The following MYO9A variants were observed in gnomAD, a reference collection of about 807,000 sequenced individuals.
MYO9A encodes the protein unconventional myosin-IXa.
Under a neutral mutation model 293.3 loss-of-function variants are expected in MYO9A, and 103 were observed. The ratio of observed to expected loss-of-function variants is 0.35; its 90% CI spans 0.30 to 0.41. The LOEUF is 0.41. Ranked by LOEUF, MYO9A falls within the 10% of genes least tolerant of loss-of-function variation. The probability of loss-of-function intolerance (pLI) is 1.00; values close to 1 mark genes in which losing one functional copy is unlikely to be tolerated. For synonymous variants in MYO9A, 1,001 were observed against 1,035.7 expected (o/e 0.97, Z 0.64); for missense variants, 2,685 against 3,033.0 (o/e 0.89, Z 2.69).
intron 1 of MYO9A, among the ~76,000 whole-genome samples, chr15:72,111,274 G>C (rs1298128325): frequency 1.3e-5 from 2 of 151,920 alleles, no homozygotes; most frequent in African/African-American, 2.4e-5. Context: ...CAGATCGCTT[G>C]AGGTCAGGAG....
intron 27 of MYO9A, 55 bp downstream of exon 27, chr15:71,887,949 G>A: frequency 1.0e-6 from 1 of 1,000,520 alleles, no homozygotes; most frequent in South Asian, 1.6e-5. Flanking sequence ...CTTAACTATA[G>A]TCAGTTATCA....
chr15:71,886,194 TAAAAAAAAAAAAA>T (rs34921688), intron 27 of MYO9A, among the ~76,000 whole-genome samples: 1 of 127,208 alleles, frequency 7.9e-6, no homozygotes, highest in Admixed American at 7.9e-5. Context: ...TAAAGTAGGG[TAAAAAAAAAAAAA>T]AAAAAAAGAA....
intron 7 of MYO9A, among the ~76,000 whole-genome samples, chr15:72,009,204 G>A (rs2077103596): frequency 6.6e-6 from 1 of 152,094 alleles, no homozygotes; most frequent in Non-Finnish European, 1.5e-5. Flanking sequence ...ATTTTTAATA[G>A]AAATTCACTA....
rs928193466 is a variant in MYO9A at position 71,906,769 on chromosome 15, T to G, written c.2686-1763A>C. Among the ~76,000 whole-genome samples, 56 of 119,516 alleles carry G rather than the reference T, an allele frequency of 4.7e-4. 1 individual carries two copies. Among genetic ancestry groups the G allele is most frequent in the African/African-American group, 1.8e-3 (54 of 30,474 alleles). 78.4% of individuals were successfully genotyped at this position (119,516 alleles called of 152,430 possible). A position where few individuals can be genotyped will look rare whatever the true frequency, so the allele number is the denominator to read the frequency against. ...ATATCCATTTCTTTCTTTTTTTTTT[T>G]TTTTTTTTTCCTGAGACAGTGTCTC... is the stretch of plus-strand genomic sequence containing the variant. On this transcript the variant is annotated intron_variant, in intron 19 of 41. Transcript: ENST00000356056.
intron 18 of MYO9A, among the ~76,000 whole-genome samples, chr15:71,926,728 A>G (rs2058323226): frequency 1.3e-5 from 2 of 152,186 alleles, no homozygotes; most frequent in Non-Finnish European, 2.9e-5. Context: ...AGCTATCTTG[A>G]TGCCAAGGGT....
chr15:72,012,135 T>C (rs1265170251), intron 6 of MYO9A, among the ~76,000 whole-genome samples: 4 of 152,180 alleles, frequency 2.6e-5, no homozygotes, highest in Non-Finnish European at 4.4e-5. Flanking sequence ...ACCAATATTT[T>C]TATTCTCTAC....
intron 6 of MYO9A, among the ~76,000 whole-genome samples, chr15:72,017,095 G>C (rs888454318): frequency 7.6e-6 from 1 of 131,082 alleles, no homozygotes; most frequent in Non-Finnish European, 1.5e-5. Context: ...ATCTTGTCTC[G>C]CTGTAGCCTC....
At chr15:72,111,154 A>C (rs1278693902) in intron 1 of MYO9A, among the ~76,000 whole-genome samples, 2 of 139,674 alleles carry the variant, frequency 1.4e-5, no homozygotes, top group African/African-American at 5.4e-5. Flanking sequence ...GCGAGACTCC[A>C]TCTCAAAAAA....
At chr15:72,090,492 T>G (rs1253959344) in intron 1 of MYO9A, among the ~76,000 whole-genome samples, 1 of 152,226 alleles carries the variant, frequency 6.6e-6, no homozygotes, top group Non-Finnish European at 1.5e-5. Context: ...TAAATGTCCC[T>G]GTTCTCATTT....
chr15:72,026,051 A>T (rs959285273), intron 4 of MYO9A, among the ~76,000 whole-genome samples: 1 of 152,078 alleles, frequency 6.6e-6, no homozygotes, highest in Non-Finnish European at 1.5e-5. Context: ...AGGCGGGCAG[A>T]TCACAAGGTC....
At chr15:71,963,140 G>A (rs1430196830) in intron 13 of MYO9A, among the ~76,000 whole-genome samples, 1 of 151,780 alleles carries the variant, frequency 6.6e-6, no homozygotes, top group Non-Finnish European at 1.5e-5. Context: ...CTGGAGTGCA[G>A]TGGCACCATC....
At chr15:71,926,751 C>A (rs575263695) in intron 18 of MYO9A, among the ~76,000 whole-genome samples, 51 of 152,156 alleles carry the variant, frequency 3.4e-4, no homozygotes, top group Non-Finnish European at 7.1e-4. Context: ...ATGTCCAAAG[C>A]ATGGTTGTTC....
intron 26 of MYO9A, chr15:71,893,381 G>A: frequency 2.4e-6 from 1 of 414,124 alleles, no homozygotes; most frequent in Non-Finnish European, 4.3e-6. Flanking sequence ...GACTAGAATG[G>A]AAGCTAAATC....
At chr15:71,965,835 G>A (rs2075860804) in intron 13 of MYO9A, among the ~76,000 whole-genome samples, 1 of 151,828 alleles carries the variant, frequency 6.6e-6, no homozygotes, top group Non-Finnish European at 1.5e-5. Flanking sequence ...ATGTCCCTTT[G>A]TATCTCTAGT....
chr15:71,983,189 T>C (rs1251790426), intron 11 of MYO9A, among the ~76,000 whole-genome samples: 1 of 152,058 alleles, frequency 6.6e-6, no homozygotes, highest in Non-Finnish European at 1.5e-5. Flanking sequence ...TTGACTTTCA[T>C]GGCATTCCTT....
At chr15:71,894,601 C>A (rs1211674705) in intron 25 of MYO9A, among the ~76,000 whole-genome samples, 1 of 152,026 alleles carries the variant, frequency 6.6e-6, no homozygotes, top group Non-Finnish European at 1.5e-5. Flanking sequence ...AACAAACAAA[C>A]AAAAAGCTTG....
rs748972140 is a variant in MYO9A, at chr15:71,851,307, T to C, written c.6527A>G (p.Gln2176Arg). 1.9e-6 allele frequency: 3 copies of C among 1,614,036 alleles called. No individual in the cohort carries two copies. The highest frequency in any genetic ancestry group is 3.3e-5 in the Admixed American group (2 of 60,028). Residue 2176 changes from glutamine (Q) to arginine (R), a missense_variant, in exon 37 of 42, where the codon CAA (glutamine) becomes CGA (arginine). Physicochemically the swap from Gln to Arg is conservative, Grantham distance 43. Coordinates refer to ENST00000356056, the MANE Select transcript of MYO9A (RefSeq NM_006901.4). ...TIRGVYSVID[Q>R]LSRTHLNTLE... ...TGTATTGAGATGAGTTCGGGAGAGT[T>C]GATCAATCACAGAGTATACACCACG... is the stretch of plus-strand genomic sequence containing the variant.
At chr15:71,989,838 C>A (rs2076492923) in intron 11 of MYO9A, among the ~76,000 whole-genome samples, 1 of 151,916 alleles carries the variant, frequency 6.6e-6, no homozygotes, top group African/African-American at 2.4e-5. Context: ...CCAGTCTGGG[C>A]AACATAGTGA....
chr15:72,112,509 T>C (rs1399447357), intron 1 of MYO9A, among the ~76,000 whole-genome samples: 1 of 152,212 alleles, frequency 6.6e-6, no homozygotes, highest in African/African-American at 2.4e-5. Context: ...TCTGCCACTC[T>C]AAAATCATAT....
Sources: allele counts gnomAD v4.1 joint callset (sites outside exome capture counted in the v4.1 genomes callset), GRCh38; gene constraint gnomAD v4.1.1; transcripts MANE v1.5; gene names NCBI Gene and HGNC (gene_info 2026-07-23, HGNC 2026-07-21).